RPS5: variants seen among roughly 807,000 people sequenced by gnomAD.
RPS5 encodes small ribosomal subunit protein uS7.
Under a neutral mutation model 20.9 loss-of-function variants are expected in RPS5, and 2 were observed. The observed-to-expected ratio is 0.10, with a 90% CI of 0.04 to 0.30. The LOEUF is 0.30. RPS5 is among the 10% of genes least tolerant of loss of function. The probability of loss-of-function intolerance (pLI) is 1.00; values close to 1 mark genes in which losing one functional copy is unlikely to be tolerated. For synonymous variants in RPS5, 112 were observed against 105.8 expected, an observed-to-expected ratio of 1.06 and a Z score of -0.36; for missense variants, 122 against 287.2, an observed-to-expected ratio of 0.42 and a Z score of 4.16.
At position 58,388,193 on chromosome 19, in the gene RPS5, T is replaced by C; in HGVS notation, c.56T>C (p.Leu19Pro). 6.2e-7 allele frequency: 1 copy of C among 1,613,340 alleles called. No homozygotes were observed. The highest frequency in any genetic ancestry group is 8.5e-7 in the Non-Finnish European group (1 of 1,179,900). Residue 19 changes from leucine (L) to proline (P), a missense_variant, in exon 2 of 6, where the codon CTC (leucine) becomes CCC (proline). Physicochemically the swap from Leu to Pro is moderately conservative, Grantham distance 98. Around this residue, in one of 6 missense-constraint regions of RPS5, gnomAD observed 22 missense variants for 38.0 expected, o/e 0.58. Coordinates refer to ENST00000196551, the MANE Select transcript of RPS5 (RefSeq NM_001009.4). ...GTGGCAGAGACCCCAGACATCAAGC[T>C]CTTTGGGAAGTGGAGCACCGATGAT... is the stretch of plus-strand genomic sequence containing the variant. ...PAVAETPDIK[L>P]FGKWSTDDVQ...
At chr19:58,388,107 C>A in intron 1 of RPS5, 30 bp from the exon 2 acceptor site, 1 of 1,520,012 alleles carries the variant, frequency 6.6e-7, no homozygotes, top group Admixed American at 1.7e-5. Flanking sequence ...TGAGCTCTGA[C>A]GTTTTTTTCC....
chr19:58,389,642 A>G (rs903955961), intron 2 of RPS5, among the ~76,000 whole-genome samples: 1 of 151,856 alleles, frequency 6.6e-6, no homozygotes, highest in Non-Finnish European at 1.5e-5. Flanking sequence ...TTATTTATTT[A>G]TTTATTTTTT....
At position 58,394,668 on chromosome 19, in the gene RPS5, G is replaced by T. The variant is rs1263502948; in HGVS notation, c.547-14G>T. The T allele has an allele frequency of 6.2e-7, 1 of 1,614,084 alleles. No individual in the cohort carries two copies. The highest frequency in any genetic ancestry group is 1.3e-5 in the African/African-American group (1 of 75,044). On this transcript the variant is annotated splice_polypyrimidine_tract_variant and intron_variant, in intron 5 of 5. Coordinates refer to ENST00000196551, the MANE Select transcript of RPS5 (RefSeq NM_001009.4). ...GGGGTCCTTCAGAATTCAGAGCTGT[G>T]TGTCTCCTTGCAGGGCTCCTCGAAC...
chr19:58,390,216 CAG>C (rs2052353836), intron 2 of RPS5, among the ~76,000 whole-genome samples: 2 of 148,614 alleles, frequency 1.3e-5, no homozygotes, highest in Admixed American at 1.3e-4. Context: ...ATTTGTGAGA[CAG>C]AGTCTCTCTC....
chr19:58,392,096 CAGATCACTTG>C (rs1473108640), intron 2 of RPS5, among the ~76,000 whole-genome samples: 1 of 152,114 alleles, frequency 6.6e-6, no homozygotes, highest in Non-Finnish European at 1.5e-5. Flanking sequence ...ACAAGGCAGG[CAGATCACTTG>C]AGGTCAAGAG....
chr19:58,388,365 G>A (rs2052340535), intron 2 of RPS5, 120 bp downstream of exon 2: 1 of 709,226 alleles, frequency 1.4e-6, no homozygotes, highest in East Asian at 2.7e-5. Context: ...AGGTAAAGAA[G>A]GGATCCCTTG....
At chr19:58,387,608 G>C (rs1338184417) in intron 1 of RPS5, 1 of 153,262 alleles carries the variant, frequency 6.5e-6, no homozygotes, top group Non-Finnish European at 1.5e-5. Context: ...GGGACACGAT[G>C]CCCTCTTTTG....
intron 3 of RPS5, 55 bp downstream of exon 3, chr19:58,393,240 C>T (rs1220437311): frequency 5.6e-6 from 9 of 1,612,182 alleles, no homozygotes; most frequent in Non-Finnish European, 7.6e-6. Flanking sequence ...ACCCGAAAGC[C>T]CCACGGAGTG....
rs954965663 is a variant in RPS5, at chr19:58,393,564, G to C, written c.447+77G>C. ...GTGGGGTCTTGCCTGGGGCAGGAAG[G>C]CTCCTCTCTGTCTGCATGTTTTACC... On this transcript the variant is annotated intron_variant, in intron 4 of 5. Transcript: ENST00000196551. The C allele has an allele frequency of 5.2e-6, 8 of 1,530,094 alleles. No homozygotes were observed. The Admixed American group carries it at 1.3e-4, about 26-fold the overall frequency. 94.8% of individuals were successfully genotyped at this position (1,530,094 alleles called of 1,614,324 possible).
chr19:58,393,336 G>A (rs768895074), intron 3 of RPS5, 23 bp from the exon 4 acceptor site: 3 of 1,612,016 alleles, frequency 1.9e-6, no homozygotes, highest in East Asian at 4.5e-5. Context: ...TGGATGTCAG[G>A]CTCATATCCC....
intron 2 of RPS5, among the ~76,000 whole-genome samples, chr19:58,389,351 A>G (rs574414339): frequency 1.3e-3 from 198 of 152,154 alleles, no homozygotes; most frequent in Admixed American, 2.1e-3. Context: ...AGTTCACTGC[A>G]GCCTCAATAC....
chr19:58,389,243 T>C (rs1430986965), intron 2 of RPS5, among the ~76,000 whole-genome samples: 4 of 152,232 alleles, frequency 2.6e-5, no homozygotes. Context: ...GGTTGCACTT[T>C]ATTCACTTTC....
intron 2 of RPS5, among the ~76,000 whole-genome samples, chr19:58,389,501 C>G (rs974263331): frequency 6.6e-6 from 1 of 152,178 alleles, no homozygotes; most frequent in Non-Finnish European, 1.5e-5. Flanking sequence ...GACTTAGGCA[C>G]TATGCCTAAT....
intron 2 of RPS5, among the ~76,000 whole-genome samples, chr19:58,389,268 T>A (rs1386500117): frequency 1.3e-5 from 2 of 152,168 alleles, no homozygotes; most frequent in African/African-American, 2.4e-5. Flanking sequence ...TCTTTTTTTT[T>A]AATCATTAAA....
intron 2 of RPS5, among the ~76,000 whole-genome samples, chr19:58,391,857 C>T (rs147112162): frequency 1.5e-4 from 23 of 151,496 alleles, no homozygotes; most frequent in African/African-American, 5.3e-4. Context: ...ACCTGGGAGG[C>T]GGAGGTTTCA....
At position 58,394,252 on chromosome 19, in the gene RPS5, G is replaced by T. The variant is rs1599935543; in HGVS notation, c.448-245G>T. 7.6e-6 allele frequency: 4 copies of T among 527,422 alleles called. No individual in the cohort carries two copies. In the East Asian group the frequency reaches 1.3e-4, roughly 17 times the overall value. 32.7% of individuals were successfully genotyped at this position (527,422 alleles called of 1,614,324 possible). ...AGCCACCGTGCCCGGCCGTCTAGCAGTTTGCTGTTGAGGCAGGTCTCAATC... is the reference window on the plus strand; with the variant it reads ...AGCCACCGTGCCCGGCCGTCTAGCATTTTGCTGTTGAGGCAGGTCTCAATC... On this transcript the variant is annotated intron_variant, in intron 4 of 5. Coordinates refer to ENST00000196551, the MANE Select transcript of RPS5 (RefSeq NM_001009.4).
In RPS5 at chr19:58,387,304, C is replaced by A. The variant is rs563436307; in HGVS notation, c.-37C>A. On this transcript the variant is annotated 5_prime_UTR_variant, in exon 1 of 6. Transcript: ENST00000196551. ...CTGTACCAGGGCGGCGCGTGGTCTACGCCGAGTGACAGAGACGCTCAGGCT... is the reference window on the plus strand; with the variant it reads ...CTGTACCAGGGCGGCGCGTGGTCTAAGCCGAGTGACAGAGACGCTCAGGCT... The A allele has an allele frequency of 6.6e-6, 1 of 152,298 alleles. No individual in the cohort carries two copies. Among genetic ancestry groups the A allele is most frequent in the Non-Finnish European group, 1.5e-5 (1 of 68,076 alleles). 9.4% of individuals were successfully genotyped at this position (152,298 alleles called of 1,614,324 possible).
intron 2 of RPS5, among the ~76,000 whole-genome samples, chr19:58,389,507 C>T (rs1031673311): frequency 1.3e-5 from 2 of 152,128 alleles, no homozygotes; most frequent in South Asian, 4.1e-4. Context: ...GGCACTATGC[C>T]TAATGGATAA....
intron 1 of RPS5, 185 bp downstream of exon 1, chr19:58,387,524 C>T (rs1181073673): frequency 6.6e-6 from 1 of 152,286 alleles, no homozygotes; most frequent in Admixed American, 6.5e-5. Flanking sequence ...TCTAGCTTTT[C>T]CCCATAGCGG....
Sources: allele counts gnomAD v4.1 joint callset (sites outside exome capture counted in the v4.1 genomes callset), GRCh38; gene constraint gnomAD v4.1.1; regional missense constraint gnomAD v4.1.1; transcripts MANE v1.5; gene names NCBI Gene and HGNC (gene_info 2026-07-23, HGNC 2026-07-21).